NXPE4: variants seen among roughly 807,000 people sequenced by gnomAD.
NXPE4 encodes neurexophilin and PC-esterase domain family member 4.
In NXPE4, 42 loss-of-function variants were observed where a neutral mutation model predicts 33.3. The ratio of observed to expected loss-of-function variants is 1.26; its 90% CI spans 0.98 to 1.63. The LOEUF (loss-of-function observed/expected upper bound fraction) is 1.63, where lower values mean the gene tolerates loss of function less well. NXPE4 is among the 40% of genes most tolerant of loss of function. The pLI, the probability that NXPE4 is intolerant of heterozygous loss-of-function variation, is 0.00. For missense variants in NXPE4, 709 were observed against 647.6 expected (o/e 1.09, Z -1.03); for synonymous variants, 253 against 234.9 (o/e 1.08, Z -0.71).
At chr11:114,655,504 A>G in the NXPE4 span, among the ~76,000 whole-genome samples, 1 of 152,142 alleles carries the variant, frequency 6.6e-6, no homozygotes, top group South Asian at 2.1e-4. Flanking sequence ...TTTTTGTATA[A>G]GGTGTAAGGA....
At chr11:114,607,301 T>A in the NXPE4 span, among the ~76,000 whole-genome samples, 2 of 151,940 alleles carry the variant, frequency 1.3e-5, no homozygotes, top group African/African-American at 4.8e-5. Context: ...TAGTTAGTAT[T>A]GCCTCGTGGG....
the NXPE4 span, among the ~76,000 whole-genome samples, chr11:114,610,511 A>G: frequency 7.1e-6 from 1 of 141,240 alleles, no homozygotes; most frequent in African/African-American, 3.0e-5. Context: ...GTGTTGCCTC[A>G]TGTGTAACCA....
the NXPE4 span, among the ~76,000 whole-genome samples, chr11:114,636,239 G>C: frequency 1.3e-5 from 2 of 152,170 alleles, no homozygotes; most frequent in East Asian, 3.9e-4. Context: ...AGATTCTCTA[G>C]TTTATTTGCG....
At chr11:114,609,835 C>T in the NXPE4 span, among the ~76,000 whole-genome samples, 1 of 150,954 alleles carries the variant, frequency 6.6e-6, no homozygotes, top group Non-Finnish European at 1.5e-5. Context: ...CATGGTAACC[C>T]GATGGATAAT....
At chr11:114,618,112 C>T in the NXPE4 span, among the ~76,000 whole-genome samples, 45 of 132,820 alleles carry the variant, frequency 3.4e-4, no homozygotes, top group Non-Finnish European at 5.9e-4. Context: ...TATTAAGTGT[C>T]GCCTCGTGGG....
chr11:114,656,330 A>G, the NXPE4 span, among the ~76,000 whole-genome samples: 5 of 152,202 alleles, frequency 3.3e-5, no homozygotes, highest in Non-Finnish European at 5.9e-5. Flanking sequence ...GGAAGAATCA[A>G]TATCGTGAAA....
intron 2 of NXPE4, among the ~76,000 whole-genome samples, chr11:114,588,479 C>A (rs1228313852): frequency 6.6e-6 from 1 of 152,138 alleles, no homozygotes; most frequent in African/African-American, 2.4e-5. Context: ...GAAAAACAGG[C>A]AGCTCTGCAG....
the NXPE4 span, among the ~76,000 whole-genome samples, chr11:114,611,337 C>T: frequency 6.6e-6 from 1 of 151,076 alleles, no homozygotes; most frequent in Non-Finnish European, 1.5e-5. Flanking sequence ...ATAAGTATTG[C>T]CTCATGGGTA....
the NXPE4 span, among the ~76,000 whole-genome samples, chr11:114,609,521 C>T: frequency 2.0e-5 from 3 of 151,800 alleles, no homozygotes; most frequent in South Asian, 2.1e-4. Context: ...AGTACTGCTT[C>T]GTGGGTAACC....
chr11:114,607,622 G>A, the NXPE4 span, among the ~76,000 whole-genome samples: 2 of 151,832 alleles, frequency 1.3e-5, no homozygotes, highest in African/African-American at 2.4e-5. Flanking sequence ...GTGTTACCCG[G>A]TGGATAAGTG....
At chr11:114,602,307 A>AG in the NXPE4 span, among the ~76,000 whole-genome samples, 1 of 116,184 alleles carries the variant, frequency 8.6e-6, no homozygotes, top group Non-Finnish European at 1.7e-5. Context: ...CATATACTAT[A>AG]TATAATATAT....
At chr11:114,653,313 G>A in the NXPE4 span, among the ~76,000 whole-genome samples, 5 of 152,300 alleles carry the variant, frequency 3.3e-5, no homozygotes, top group Middle Eastern at 6.8e-3. Context: ...CAAGAAAGCA[G>A]CAGCCATCTC....
chr11:114,660,413 T>C, the NXPE4 span, among the ~76,000 whole-genome samples: 1 of 152,038 alleles, frequency 6.6e-6, no homozygotes, highest in East Asian at 1.9e-4. Context: ...TAATATATCC[T>C]GACAAAGTGA....
chr11:114,612,138 C>T, the NXPE4 span, among the ~76,000 whole-genome samples: 2 of 151,928 alleles, frequency 1.3e-5, no homozygotes, highest in Non-Finnish European at 2.9e-5. Flanking sequence ...ATTGTTGCCT[C>T]GTGGGTAACC....
chr11:114,673,236 A>C, the NXPE4 span, among the ~76,000 whole-genome samples: 23 of 151,568 alleles, frequency 1.5e-4, no homozygotes, highest in Admixed American at 7.9e-4. Flanking sequence ...TCAAGGTGTC[A>C]AAGAAGAAAT....
At chr11:114,572,475 A>T (rs1021819215) in intron 5 of NXPE4, among the ~76,000 whole-genome samples, 1 of 152,190 alleles carries the variant, frequency 6.6e-6, no homozygotes, top group African/African-American at 2.4e-5. Flanking sequence ...ATGATACAGA[A>T]TATGAAAGGA....
At chr11:114,609,737 T>C in the NXPE4 span, among the ~76,000 whole-genome samples, 1 of 151,816 alleles carries the variant, frequency 6.6e-6, no homozygotes, top group African/African-American at 2.4e-5. Context: ...GCCTCATGGA[T>C]AACCACTGTT....
At chr11:114,642,538 G>T in the NXPE4 span, among the ~76,000 whole-genome samples, 1 of 151,812 alleles carries the variant, frequency 6.6e-6, no homozygotes, top group South Asian at 2.1e-4. Context: ...GTTTGTGTTA[G>T]TTTGCTGAGA....
chr11:114,578,970 A>G (rs1182575356), intron 5 of NXPE4, among the ~76,000 whole-genome samples: 2 of 152,184 alleles, frequency 1.3e-5, no homozygotes, highest in East Asian at 3.8e-4. Flanking sequence ...TTAATCTTCT[A>G]TACAGACTTG....
Sources: allele counts gnomAD v4.1 joint callset (sites outside exome capture counted in the v4.1 genomes callset), GRCh38; gene constraint gnomAD v4.1.1; transcripts MANE v1.5; gene names NCBI Gene and HGNC (gene_info 2026-07-23, HGNC 2026-07-21).